POC1B: variants seen among roughly 807,000 people sequenced by gnomAD.
POC1B encodes the protein POC1 centriolar protein homolog B.
In POC1B, 44 loss-of-function variants were observed where a neutral mutation model predicts 60.6. That is an observed-to-expected ratio of 0.73 (90% CI 0.57 to 0.93). POC1B has a LOEUF of 0.93. POC1B is among the 40% of genes least tolerant of loss of function. The probability of loss-of-function intolerance (pLI) is 0.00; values close to 1 mark genes in which losing one functional copy is unlikely to be tolerated. For missense variants in POC1B, 555 were observed against 572.3 expected (o/e 0.97, Z 0.31); for synonymous variants, 180 against 198.9 (o/e 0.90, Z 0.80).
At chr12:89,523,889 C>T (rs1345066115) in intron 2 of POC1B, 1 of 1,581,856 alleles carries the variant, frequency 6.3e-7, no homozygotes, top group Non-Finnish European at 8.6e-7. Context: ...GTGAGGACGT[C>T]CCCAGTGGCG....
intron 2 of POC1B, among the ~76,000 whole-genome samples, chr12:89,507,308 T>C (rs1869955820): frequency 6.9e-6 from 1 of 144,350 alleles, no homozygotes; most frequent in African/African-American, 2.5e-5. Context: ...AAAACCAACA[T>C]TGAATTTCCC....
intron 10 of POC1B, 55 bp from the exon 11 acceptor site, chr12:89,425,434 T>C: frequency 2.1e-6 from 3 of 1,433,860 alleles, no homozygotes; most frequent in East Asian, 2.4e-5. Flanking sequence ...TTTAAAATGA[T>C]ATATATAAAA....
At chr12:89,454,249 T>C (rs561766694) in intron 10 of POC1B, among the ~76,000 whole-genome samples, 1 of 152,290 alleles carries the variant, frequency 6.6e-6, no homozygotes, top group African/African-American at 2.4e-5. Context: ...GGAAGGGAGA[T>C]AGGGAATCCC....
At chr12:89,462,081 C>T (rs1882504696) in intron 9 of POC1B, among the ~76,000 whole-genome samples, 1 of 151,986 alleles carries the variant, frequency 6.6e-6, no homozygotes, top group African/African-American at 2.4e-5. Context: ...AAAAAAAATC[C>T]TTGACCTACA....
intron 2 of POC1B, among the ~76,000 whole-genome samples, chr12:89,508,885 G>C (rs1247171091): frequency 6.6e-6 from 1 of 152,186 alleles, no homozygotes; most frequent in African/African-American, 2.4e-5. Context: ...TAAATTTCCT[G>C]AGGCCTACCC....
At chr12:89,447,336 G>A (rs548575607) in intron 10 of POC1B, among the ~76,000 whole-genome samples, 30 of 152,012 alleles carry the variant, frequency 2.0e-4, no homozygotes, top group African/African-American at 7.0e-4. Flanking sequence ...TATAATTCAC[G>A]GAACATTGAA....
intron 10 of POC1B, among the ~76,000 whole-genome samples, chr12:89,438,071 A>T (rs1881351126): frequency 6.6e-6 from 1 of 151,810 alleles, no homozygotes; most frequent in East Asian, 1.9e-4. Flanking sequence ...AAAAAATTAA[A>T]AAATCTATTA....
rs150740052 is a variant in POC1B at position 89,475,307 on chromosome 12, C to G, written c.453-3032G>C. On this transcript the variant is annotated intron_variant, in intron 4 of 11. Coordinates refer to ENST00000313546, the MANE Select transcript of POC1B (RefSeq NM_172240.3). ...AAAATAAATGAAGGGATGTGAACCTCGAATGAGTTAAAGTACAGGCAGTGG... is the reference window on the plus strand; with the variant it reads ...AAAATAAATGAAGGGATGTGAACCTGGAATGAGTTAAAGTACAGGCAGTGG... 4.6e-5 allele frequency among the ~76,000 whole-genome samples: 7 copies of G among 152,218 alleles called. No homozygotes were observed. The East Asian group carries it at 1.4e-3, about 29-fold the overall frequency.
chr12:89,489,514 C>T lies in POC1B; in HGVS notation c.452+2422G>A, dbSNP rs527567333. ...TAGTGACTAAAAGTCTGACCTTCTG[C>T]CTATCTTCTTATATTCTTCTTAGGC... On this transcript the variant is annotated intron_variant, in intron 4 of 11. Transcript: ENST00000313546. Among the ~76,000 whole-genome samples, 5 of 152,308 alleles carry T rather than the reference C, an allele frequency of 3.3e-5. No homozygotes were observed. The South Asian group carries it at 6.2e-4, about 19-fold the overall frequency.
At chr12:89,522,856 C>T (rs1187970850) in intron 2 of POC1B, 3 of 1,601,102 alleles carry the variant, frequency 1.9e-6, no homozygotes, top group Non-Finnish European at 2.6e-6. Flanking sequence ...TAGAGCATCA[C>T]AAGTTCTCAT....
chr12:89,422,478 A>C (rs555721908), intron 11 of POC1B, among the ~76,000 whole-genome samples: 1 of 152,286 alleles, frequency 6.6e-6, no homozygotes, highest in Admixed American at 6.5e-5. Context: ...GGTGCAGCTC[A>C]GCCTGTTCTT....
the POC1B span, among the ~76,000 whole-genome samples, chr12:89,405,699 T>C: frequency 6.6e-6 from 1 of 152,140 alleles, no homozygotes; most frequent in African/African-American, 2.4e-5. Context: ...CTCACACCTG[T>C]AATCCTGCAC....
the POC1B span, among the ~76,000 whole-genome samples, chr12:89,406,576 C>T: frequency 6.6e-6 from 1 of 152,054 alleles, no homozygotes; most frequent in East Asian, 1.9e-4. Flanking sequence ...TGGCACGAAT[C>T]CATCACTGTA....
At chr12:89,519,701 C>T (rs1870684688) in intron 2 of POC1B, 1 of 152,420 alleles carries the variant, frequency 6.6e-6, no homozygotes, top group Admixed American at 6.5e-5. Flanking sequence ...GTTTGATTTG[C>T]CATCTTATAA....
chr12:89,421,571 C>T (rs143558802), intron 11 of POC1B, among the ~76,000 whole-genome samples: 36 of 152,296 alleles, frequency 2.4e-4, no homozygotes, highest in Admixed American at 2.0e-3. Flanking sequence ...GGCCACACAG[C>T]GTTCTAAGTG....
intron 2 of POC1B, among the ~76,000 whole-genome samples, chr12:89,516,807 T>C (rs1592643399): frequency 6.6e-6 from 1 of 152,300 alleles, no homozygotes; most frequent in East Asian, 1.9e-4. Context: ...CTGATGTCTC[T>C]AGGCACTCAC....
intron 4 of POC1B, among the ~76,000 whole-genome samples, chr12:89,489,985 A>T (rs935304828): frequency 5.3e-5 from 8 of 152,176 alleles, no homozygotes; most frequent in African/African-American, 1.9e-4. Context: ...GCTGGGAGTA[A>T]AGAAGCTTTC....
downstream of POC1B, among the ~76,000 whole-genome samples, chr12:89,415,468 C>G (rs897061587): frequency 1.3e-5 from 2 of 151,988 alleles, no homozygotes; most frequent in Non-Finnish European, 2.9e-5. Flanking sequence ...ATGGTGAAAC[C>G]CCGTCTCTAC....
chr12:89,508,375 T>C (rs921258283), intron 2 of POC1B, among the ~76,000 whole-genome samples: 8 of 152,222 alleles, frequency 5.3e-5, no homozygotes, highest in African/African-American at 1.9e-4. Flanking sequence ...TTATTGACCT[T>C]GATGTTCTTG....
Sources: allele counts gnomAD v4.1 joint callset (sites outside exome capture counted in the v4.1 genomes callset), GRCh38; gene constraint gnomAD v4.1.1; transcripts MANE v1.5; gene names NCBI Gene and HGNC (gene_info 2026-07-23, HGNC 2026-07-21).